Variants in ENPP2 observed in about 807,000 individuals in gnomAD.
The protein encoded by ENPP2 is autotaxin.
Under a neutral mutation model 120.2 loss-of-function variants are expected in ENPP2, and 51 were observed. The observed-to-expected ratio is 0.42, with a 90% CI of 0.34 to 0.54. The LOEUF is 0.54. ENPP2 is among the 20% of genes least tolerant of loss of function. ENPP2 has a pLI of 0.04. For missense variants in ENPP2, 920 were observed against 1,066.5 expected (o/e 0.86, Z 1.91); for synonymous variants, 365 against 366.4 (o/e 1.00, Z 0.04).
chr8:119,624,101 CT>C (rs1352931137), intron 3 of ENPP2, among the ~76,000 whole-genome samples: 1 of 152,072 alleles, frequency 6.6e-6, no homozygotes, highest in East Asian at 1.9e-4. Context: ...CACCAATAAA[CT>C]TTTATTCCAC....
intron 2 of ENPP2, among the ~76,000 whole-genome samples, chr8:119,631,185 C>G (rs1389254323): frequency 7.0e-6 from 1 of 142,000 alleles, no homozygotes; most frequent in African/African-American, 2.6e-5. Flanking sequence ...TGAGCCACTG[C>G]GCCCAGCCAT....
At chr8:119,578,794 T>C (rs1243641464) in intron 19 of ENPP2, among the ~76,000 whole-genome samples, 1 of 152,122 alleles carries the variant, frequency 6.6e-6, no homozygotes, top group African/African-American at 2.4e-5. Context: ...CCAGAGTCTG[T>C]GTGTTCTGTG....
intron 22 of ENPP2, among the ~76,000 whole-genome samples, chr8:119,567,954 C>T (rs1814615626): frequency 6.6e-6 from 1 of 152,154 alleles, no homozygotes; most frequent in Admixed American, 6.5e-5. Flanking sequence ...ACCAGCCAAC[C>T]TTCCTCACAG....
chr8:119,644,856 C>T (rs1276961955), intron 1 of ENPP2, among the ~76,000 whole-genome samples: 2 of 151,754 alleles, frequency 1.3e-5, no homozygotes, highest in Non-Finnish European at 2.9e-5. Flanking sequence ...ACCCTGCATG[C>T]TAAGTGTCCA....
intron 9 of ENPP2, among the ~76,000 whole-genome samples, chr8:119,604,012 C>CT (rs35136821): frequency 0.018 from 2,417 of 136,378 alleles, 44 homozygotes; most frequent in African/African-American, 0.047. Flanking sequence ...CAATCTCTCT[C>CT]TTTTTTTTTT....
chr8:119,611,288 A>T (rs1267276780), intron 8 of ENPP2, among the ~76,000 whole-genome samples: 1 of 152,226 alleles, frequency 6.6e-6, no homozygotes. Context: ...CCTCGAAGGG[A>T]AATCATTCCT....
Position 119,601,423 on chromosome 8 carries a change from C to A in ENPP2, c.873G>T (p.Gln291His). 6.2e-7 allele frequency: 1 copy of A among 1,611,650 alleles called. No homozygotes were observed. Among genetic ancestry groups the A allele is most frequent in the Non-Finnish European group, 8.5e-7 (1 of 1,177,852 alleles). ...TCTCATGATCTGGCAGGGTGAGCCA[C>A]TGCAATATGGTTAATATTCTCCGCT... The part of the protein sequence containing the change: ...PHERRILTIL[Q>H]WLTLPDHERP... The change falls in exon 10 of 25, where the codon CAG becomes CAT. Residue 291 changes from glutamine (Q) to histidine (H), a missense_variant. Coordinates refer to ENST00000075322, the MANE Select transcript of ENPP2 (RefSeq NM_001040092.3).
chr8:119,580,377 T>G (rs962529016), intron 18 of ENPP2: 1 of 581,036 alleles, frequency 1.7e-6, no homozygotes, highest in African/African-American at 1.9e-5. Flanking sequence ...TGTAAGCACC[T>G]TCTTCAATCT....
chr8:119,630,169 T>C (rs112448992), intron 2 of ENPP2, among the ~76,000 whole-genome samples: 17,670 of 151,690 alleles, frequency 0.12, 1,228 homozygotes, highest in Middle Eastern at 0.24. Context: ...AGTGCAATGG[T>C]GTGATCTCGG....
intron 1 of ENPP2, among the ~76,000 whole-genome samples, chr8:119,667,243 T>C (rs1818099944): frequency 1.3e-5 from 2 of 152,142 alleles, no homozygotes; most frequent in South Asian, 2.1e-4. Context: ...TGAAAAGAAA[T>C]GTCAATGCCT....
chr8:119,648,012 A>C (rs1055151532), intron 1 of ENPP2, among the ~76,000 whole-genome samples: 1 of 152,158 alleles, frequency 6.6e-6, no homozygotes. Context: ...TCCCCAAAAA[A>C]AGAAAAGTTT....
At chr8:119,662,130 G>C (rs567829329) in intron 1 of ENPP2, among the ~76,000 whole-genome samples, 9 of 152,132 alleles carry the variant, frequency 5.9e-5, no homozygotes, top group African/African-American at 1.9e-4. Context: ...ATGGTGACTA[G>C]GGCATAATAA....
chr8:119,578,469 AGTCAGAC>A (rs1282235572), intron 19 of ENPP2: 1 of 152,272 alleles, frequency 6.6e-6, no homozygotes, highest in Non-Finnish European at 1.5e-5. Flanking sequence ...TACCATGAAC[AGTCAGAC>A]TTTGAATCAG....
chr8:119,604,409 A>C (rs16892856), intron 9 of ENPP2, among the ~76,000 whole-genome samples: 1,666 of 152,328 alleles, frequency 0.011, 33 homozygotes, highest in African/African-American at 0.038. Flanking sequence ...ATAACCTCAG[A>C]GACCAAAAGG....
chr8:119,617,675 G>A (rs561745320), intron 5 of ENPP2, 112 bp from the exon 6 acceptor site: 75 of 748,968 alleles, frequency 1.0e-4, no homozygotes, highest in South Asian at 4.2e-4. Context: ...TTCACCGGGC[G>A]TGATGGCTTA....
chr8:119,574,339 A>G (rs1485092636), intron 19 of ENPP2, among the ~76,000 whole-genome samples: 1 of 151,488 alleles, frequency 6.6e-6, no homozygotes, highest in Non-Finnish European at 1.5e-5. Flanking sequence ...CCTGGAGACT[A>G]GCCTGCAAGC....
chr8:119,662,014 G>C (rs1307594724), intron 1 of ENPP2, among the ~76,000 whole-genome samples: 1 of 152,092 alleles, frequency 6.6e-6, no homozygotes, highest in East Asian at 1.9e-4. Flanking sequence ...ACAGAGCCTA[G>C]GGGTGGGAGA....
upstream of ENPP2, among the ~76,000 whole-genome samples, chr8:119,640,063 AG>A (rs924224160): frequency 2.0e-5 from 3 of 152,240 alleles, no homozygotes; most frequent in African/African-American, 7.2e-5. Flanking sequence ...AAAACATGAT[AG>A]CACAAAAGCA....
intron 1 of ENPP2, chr8:119,673,172 T>C: frequency 7.7e-7 from 1 of 1,290,596 alleles, no homozygotes; most frequent in Non-Finnish European, 1.1e-6. Flanking sequence ...CTTTGCAAGG[T>C]TTTTCTGCTT....
Sources: allele counts gnomAD v4.1 joint callset (sites outside exome capture counted in the v4.1 genomes callset), GRCh38; gene constraint gnomAD v4.1.1; transcripts MANE v1.5; gene names NCBI Gene and HGNC (gene_info 2026-07-23, HGNC 2026-07-21).